Variants in PRKG1 observed in about 807,000 individuals in gnomAD.
PRKG1 encodes the protein protein kinase cGMP-dependent 1, also known as cGMP-dependent protein kinase 1.
Under a neutral mutation model 88.1 loss-of-function variants are expected in PRKG1, and 35 were observed. The observed-to-expected ratio is 0.40, with a 90% CI of 0.30 to 0.53. The LOEUF (loss-of-function observed/expected upper bound fraction) is 0.53, where lower values mean the gene tolerates loss of function less well. PRKG1 is among the 20% of genes least tolerant of loss of function. The pLI is 0.59. For missense variants in PRKG1, 540 were observed against 839.8 expected (o/e 0.64, Z 4.41); for synonymous variants, 303 against 292.5 (o/e 1.04, Z -0.37).
chr10:51,617,129 C>A (rs1352019504), intron 3 of PRKG1, among the ~76,000 whole-genome samples: 1 of 152,120 alleles, frequency 6.6e-6, no homozygotes, highest in East Asian at 1.9e-4. Context: ...TCAAGGGGCT[C>A]TCTCATGGCT....
chr10:51,817,210 A>G (rs1438199560), intron 4 of PRKG1, among the ~76,000 whole-genome samples: 1 of 151,906 alleles, frequency 6.6e-6, no homozygotes, highest in Non-Finnish European at 1.5e-5. Flanking sequence ...TTTTTTTTAA[A>G]TTATACTTTA....
At chr10:51,427,000 T>C (rs1037233117) in intron 2 of PRKG1, among the ~76,000 whole-genome samples, 1 of 152,250 alleles carries the variant, frequency 6.6e-6, no homozygotes, top group Non-Finnish European at 1.5e-5. Context: ...GGTTGGTGAT[T>C]GTTTTTAAAG....
intron 2 of PRKG1, among the ~76,000 whole-genome samples, chr10:51,294,177 T>G (rs752812900): frequency 5.3e-5 from 8 of 152,144 alleles, no homozygotes; most frequent in Non-Finnish European, 1.0e-4. Flanking sequence ...TGACTTTTTA[T>G]TCTATTGATT....
intron 1 of PRKG1, among the ~76,000 whole-genome samples, chr10:50,998,971 T>C (rs1050620919): frequency 6.6e-6 from 1 of 152,242 alleles, no homozygotes; most frequent in Non-Finnish European, 1.5e-5. Flanking sequence ...CTAAACATTA[T>C]TGATGGATCA....
chr10:51,130,274 A>C (rs58296033), intron 1 of PRKG1, among the ~76,000 whole-genome samples: 5,322 of 152,178 alleles, frequency 0.035, 111 homozygotes, highest in Middle Eastern at 0.058. Context: ...TCTATTCTCC[A>C]TCCTTCCAGA....
intron 5 of PRKG1, among the ~76,000 whole-genome samples, chr10:51,947,660 G>A (rs1013777083): frequency 3.3e-5 from 5 of 152,186 alleles, no homozygotes; most frequent in African/African-American, 9.7e-5. Context: ...CACTCAAGCA[G>A]GTTCATGGGC....
chr10:51,002,385 C>G (rs1842898874), intron 1 of PRKG1, among the ~76,000 whole-genome samples: 1 of 152,080 alleles, frequency 6.6e-6, no homozygotes, highest in Admixed American at 6.6e-5. Flanking sequence ...CTATTGTAAT[C>G]TGAGATTCCC....
intron 4 of PRKG1, among the ~76,000 whole-genome samples, chr10:51,848,701 C>T (rs1266616988): frequency 6.6e-6 from 1 of 151,598 alleles, no homozygotes; most frequent in Admixed American, 6.6e-5. Flanking sequence ...GAAATAAGAT[C>T]TCACGATATT....
intron 9 of PRKG1, among the ~76,000 whole-genome samples, chr10:52,242,591 C>T (rs1226522106): frequency 2.0e-5 from 3 of 152,102 alleles, no homozygotes; most frequent in Non-Finnish European, 4.4e-5. Flanking sequence ...TATTCATGGA[C>T]CTTTTTTAGA....
At position 51,790,424 on chromosome 10, in the gene PRKG1, A is replaced by G. The variant is rs180838149; in HGVS notation, c.593-14161A>G. Among the ~76,000 whole-genome samples the G allele has an allele frequency of 2.6e-5, 4 of 152,280 alleles. No individual in the cohort carries two copies. The East Asian group carries it at 5.8e-4, about 22-fold the overall frequency. ...GTATCCACCATGAGTTATTTCACTC[A>G]TATCTGAGAATAGTTTCATGAGGCA... On this transcript the variant is annotated intron_variant, in intron 3 of 17. Transcript: ENST00000373980.
chr10:51,467,686 T>G (rs2132814684), intron 2 of PRKG1, 37 bp from the exon 3 acceptor site: 1 of 1,489,846 alleles, frequency 6.7e-7, no homozygotes, highest in Non-Finnish European at 9.3e-7. Context: ...GCATGAGAAA[T>G]AATTTATATA....
rs545752851 is a variant in PRKG1 at position 51,129,255 on chromosome 10, C to T, written c.312-23909C>T. Among the ~76,000 whole-genome samples the T allele has an allele frequency of 1.8e-4, 28 of 152,140 alleles. No homozygotes were observed. The South Asian group carries it at 5.4e-3, about 29-fold the overall frequency. On this transcript the variant is annotated intron_variant, in intron 1 of 17. Transcript: ENST00000373980. ...CTTTGGGAGGTAGAGGCAGATGGATCACATGCGGTCAGGAGTTCAAGACCA... is the reference window on the plus strand; with the variant it reads ...CTTTGGGAGGTAGAGGCAGATGGATTACATGCGGTCAGGAGTTCAAGACCA...
intron 3 of PRKG1, among the ~76,000 whole-genome samples, chr10:51,600,520 A>G (rs1179975442): frequency 6.6e-6 from 1 of 152,196 alleles, no homozygotes; most frequent in Non-Finnish European, 1.5e-5. Context: ...AAAATTTAAA[A>G]TTTTCTAGTA....
At chr10:51,479,281 A>T (rs1429434877) in intron 3 of PRKG1, among the ~76,000 whole-genome samples, 1 of 152,092 alleles carries the variant, frequency 6.6e-6, no homozygotes, top group East Asian at 1.9e-4. Context: ...AAATACATAC[A>T]TGTAAAGATT....
At chr10:52,121,371 C>T (rs11592846) in intron 7 of PRKG1, among the ~76,000 whole-genome samples, 4,480 of 152,276 alleles carry the variant, frequency 0.029, 103 homozygotes, top group Non-Finnish European at 0.046. Flanking sequence ...CTTGACCACA[C>T]GGTTAGTATT....
intron 7 of PRKG1, among the ~76,000 whole-genome samples, chr10:52,083,411 G>A (rs1420125971): frequency 6.6e-6 from 1 of 151,848 alleles, no homozygotes; most frequent in Non-Finnish European, 1.5e-5. Flanking sequence ...GTTGATTAAG[G>A]AAAACAAACA....
At chr10:51,510,485 C>T (rs1306526430) in intron 3 of PRKG1, among the ~76,000 whole-genome samples, 2 of 151,966 alleles carry the variant, frequency 1.3e-5, no homozygotes, top group Non-Finnish European at 2.9e-5. Flanking sequence ...TTATACTTAC[C>T]AAAAGTATTA....
At chr10:51,460,792 T>C (rs1301561118) in intron 2 of PRKG1, among the ~76,000 whole-genome samples, 2 of 152,178 alleles carry the variant, frequency 1.3e-5, no homozygotes, top group Non-Finnish European at 2.9e-5. Flanking sequence ...TTAATTATCT[T>C]CAAGGACAGA....
chr10:51,425,333 G>A (rs763955241), intron 2 of PRKG1, among the ~76,000 whole-genome samples: 2 of 152,080 alleles, frequency 1.3e-5, no homozygotes, highest in Non-Finnish European at 2.9e-5. Context: ...TACACAACTC[G>A]GTAATCAATG....
Sources: gnomAD v4.1 joint callset for allele counts (sites outside exome capture counted in the v4.1 genomes callset) on GRCh38, gnomAD v4.1.1 for gene constraint, MANE v1.5 for transcripts, NCBI Gene and HGNC (gene_info 2026-07-23, HGNC 2026-07-21) for gene names.